IKZF1: variants seen among roughly 807,000 people sequenced by gnomAD.
The protein encoded by IKZF1 is IKAROS family zinc finger 1.
In IKZF1, 10 loss-of-function variants were observed where a neutral mutation model predicts 51.7. That is an observed-to-expected ratio of 0.19 (90% confidence interval 0.12 to 0.33). The LOEUF (loss-of-function observed/expected upper bound fraction) is 0.33. Ranked by LOEUF, IKZF1 falls within the 10% of genes least tolerant of loss-of-function variation. IKZF1 has a pLI of 1.00. For synonymous variants in IKZF1, 280 were observed against 282.3 expected (o/e 0.99, Z 0.08); for missense variants, 484 against 707.5 (o/e 0.68, Z 3.58).
At chr7:50,339,258 T>TGTGTGTGTGTG (rs1584594509) in intron 3 of IKZF1, among the ~76,000 whole-genome samples, 1 of 131,558 alleles carries the variant, frequency 7.6e-6, no homozygotes, top group African/African-American at 2.9e-5. Context: ...TGTGTGTGTG[T>TGTGTGTGTGTG]TGTGGAGGAG....
intron 2 of IKZF1, among the ~76,000 whole-genome samples, chr7:50,324,489 T>C (rs969504361): frequency 1.3e-5 from 2 of 152,170 alleles, no homozygotes; most frequent in African/African-American, 4.8e-5. Context: ...CTTCTCCCCA[T>C]GTGGTTTCTT....
rs139538883 is a variant in IKZF1, at chr7:50,357,551, G to A, written c.161-18982G>A. On this transcript the variant is annotated intron_variant, in intron 3 of 7. Transcript: ENST00000331340. ...CCAGTACCCAGGGCTGCTGTGCACC[G>A]TGGCACGTGAGTTTCGGTGCATCTT... 9.9e-5 allele frequency among the ~76,000 whole-genome samples: 15 copies of A among 152,240 alleles called. No homozygotes were observed. In the East Asian group the frequency reaches 2.7e-3, roughly 27 times the overall value.
chr7:50,384,837 G>A (rs1181550612), intron 5 of IKZF1, among the ~76,000 whole-genome samples: 2 of 152,202 alleles, frequency 1.3e-5, no homozygotes, highest in Non-Finnish European at 2.9e-5. Context: ...CCATGTCAGT[G>A]GAAAACACAG....
intron 3 of IKZF1, among the ~76,000 whole-genome samples, chr7:50,373,467 T>C (rs891577361): frequency 6.6e-6 from 1 of 152,200 alleles, no homozygotes; most frequent in Non-Finnish European, 1.5e-5. Flanking sequence ...TCAAGCCGCG[T>C]AGGGGAACAT....
At chr7:50,335,758 ATG>A (rs1306517711) in intron 3 of IKZF1, among the ~76,000 whole-genome samples, 1 of 151,294 alleles carries the variant, frequency 6.6e-6, no homozygotes, top group African/African-American at 2.4e-5. Flanking sequence ...TGTGTATGGG[ATG>A]TGTGGTGTGT....
chr7:50,338,486 A>G (rs1385643468), intron 3 of IKZF1, among the ~76,000 whole-genome samples: 3 of 152,300 alleles, frequency 2.0e-5, no homozygotes, highest in African/African-American at 2.4e-5. Context: ...TTCCTTCTAC[A>G]TGGGGTTTCA....
chr7:50,311,888 A>C (rs1005199769), intron 1 of IKZF1, among the ~76,000 whole-genome samples: 5 of 152,164 alleles, frequency 3.3e-5, no homozygotes, highest in Admixed American at 2.6e-4. Flanking sequence ...AAAATGAAGA[A>C]AAAAACGTTT....
At chr7:50,369,924 TAA>T in intron 3 of IKZF1, among the ~76,000 whole-genome samples, 1 of 152,330 alleles carries the variant, frequency 6.6e-6, no homozygotes, top group Admixed American at 6.5e-5. Flanking sequence ...TAAATGATAT[TAA>T]GTTATAATAA....
chr7:50,308,120 AT>A (rs35630390), intron 1 of IKZF1, among the ~76,000 whole-genome samples: 2 of 152,176 alleles, frequency 1.3e-5, no homozygotes, highest in Non-Finnish European at 2.9e-5. Flanking sequence ...TCCAACAAAT[AT>A]TTTTTAAGAC....
At chr7:50,306,717 C>G (rs1284666021) in intron 1 of IKZF1, among the ~76,000 whole-genome samples, 1 of 152,204 alleles carries the variant, frequency 6.6e-6, no homozygotes, top group East Asian at 1.9e-4. Flanking sequence ...AGGTCTAAAG[C>G]CCTGTTGTAC....
In IKZF1 at chr7:50,400,899, C is replaced by G. The variant is rs985439997; in HGVS notation, c.*272C>G. 2.0e-5 allele frequency: 10 copies of G among 505,680 alleles called. No individual in the cohort carries two copies. Among genetic ancestry groups the G allele is most frequent in the Non-Finnish European group, 2.8e-5 (8 of 285,344 alleles). The allele number at this position is 505,680 out of a possible 1,614,324, so 31.3% of individuals were successfully genotyped here. ...TCCCCAGACCGCTGGCTGAGATTCC[C>G]TCACCTGTCGCTTCCTAGAATCCCC... On this transcript the variant is annotated 3_prime_UTR_variant, in exon 8 of 8. Transcript: ENST00000331340. The surrounding 1 kb of genome is among the most constrained non-coding windows in gnomAD (Gnocchi z 5.4).
chr7:50,321,340 C>T (rs1349130252), intron 2 of IKZF1, among the ~76,000 whole-genome samples: 1 of 152,236 alleles, frequency 6.6e-6, no homozygotes, highest in African/African-American at 2.4e-5. Flanking sequence ...TTTATAGCCT[C>T]TCATTTGGCT....
chr7:50,376,628 G>A lies in IKZF1; in HGVS notation c.256G>A (p.Asp86Asn), dbSNP rs771632614. 4 of 1,613,990 alleles carry A rather than the reference G, an allele frequency of 2.5e-6. No individual in the cohort carries two copies. Among genetic ancestry groups the A allele is most frequent in the East Asian group, 2.2e-5 (1 of 44,892 alleles). Reference sequence around the variant, plus strand: ...ATGTGCGGAGGATTTACGAATGCTTGATGCCTCGGGAGAGAAAATGAATGG... The same window carrying A: ...ATGTGCGGAGGATTTACGAATGCTTAATGCCTCGGGAGAGAAAATGAATGG... Reference protein sequence around the residue: ...EECAEDLRMLDASGEKMNGSH... With the variant: ...EECAEDLRMLNASGEKMNGSH... Residue 86 changes from aspartate to asparagine, a missense_variant, in exon 4 of 8, where the codon GAT becomes AAT. Asp to Asn is a conservative substitution (Grantham distance 23). Transcript: ENST00000331340. The surrounding 1 kb of genome is among the most constrained non-coding windows in gnomAD (Gnocchi z 4.5).
intron 1 of IKZF1, among the ~76,000 whole-genome samples, chr7:50,311,608 G>A (rs1374454126): frequency 6.6e-6 from 1 of 152,110 alleles, no homozygotes; most frequent in East Asian, 1.9e-4. Context: ...ACTCACACAA[G>A]CACTTATTTT....
chr7:50,309,507 G>C (rs1251534788), intron 1 of IKZF1, among the ~76,000 whole-genome samples: 1 of 152,034 alleles, frequency 6.6e-6, no homozygotes, highest in African/African-American at 2.4e-5. Context: ...GGTTTGCACA[G>C]ACTGCCAAAA....
chr7:50,307,198 C>T (rs1789017355), intron 1 of IKZF1, among the ~76,000 whole-genome samples: 2 of 151,862 alleles, frequency 1.3e-5, no homozygotes, highest in African/African-American at 2.4e-5. Flanking sequence ...CATAATTGTA[C>T]GTATTAATGT....
At chr7:50,306,368 AACTAAAT>A (rs1245880155) in intron 1 of IKZF1, among the ~76,000 whole-genome samples, 4 of 152,220 alleles carry the variant, frequency 2.6e-5, no homozygotes, top group Non-Finnish European at 5.9e-5. Context: ...CATTTTATTG[AACTAAAT>A]GGTCATGTTT....
At position 50,400,372 on chromosome 7, in the gene IKZF1, C is replaced by G; in HGVS notation, c.1305C>G (p.Tyr435Ter). 6.2e-7 allele frequency: 1 copy of G among 1,613,130 alleles called. No individual in the cohort carries two copies. The highest frequency in any genetic ancestry group is 8.5e-7 in the Non-Finnish European group (1 of 1,179,770). The change falls in exon 8 of 8, where the codon TAC becomes TAG. Residue 435 changes from tyrosine (Y) to a stop codon, truncating the protein, a stop_gained. Coordinates refer to ENST00000331340, the MANE Select transcript of IKZF1 (RefSeq NM_006060.6). LOFTEE classifies it high-confidence loss of function. The surrounding 1 kb of genome is among the most constrained non-coding windows in gnomAD (Gnocchi z 5.4). ...CGCTCAAGGAGGAGCACCGCGCCTA[C>G]GACCTGCTGCGCGCCGCCTCCGAGA... The part of the protein sequence containing the change: ...GLSLKEEHRA[Y>*]DLLRAASENS...
chr7:50,387,740 C>A lies in IKZF1; in HGVS notation c.715+270C>A, dbSNP rs538115759. Reference sequence around the variant, plus strand: ...GAGAAACTCCTAGGATAGCAGTGACCTTGAAAGTTTTGGGGTTGTTTTTTG... The same window carrying A: ...GAGAAACTCCTAGGATAGCAGTGACATTGAAAGTTTTGGGGTTGTTTTTTG... On this transcript the variant is annotated intron_variant, in intron 6 of 7. Transcript: ENST00000331340. Among the ~76,000 whole-genome samples, 89 of 152,200 alleles carry A rather than the reference C, an allele frequency of 5.8e-4. 1 individual carries two copies. The highest frequency in any genetic ancestry group is 2.7e-3 in the South Asian group (13 of 4,820).
Sources: allele counts gnomAD v4.1 joint callset (sites outside exome capture counted in the v4.1 genomes callset), GRCh38; gene constraint gnomAD v4.1.1; non-coding constraint Gnocchi (gnomAD v3.1); transcripts MANE v1.5; gene names NCBI Gene and HGNC (gene_info 2026-07-23, HGNC 2026-07-21).